Variants in KLF7 observed in about 807,000 individuals in gnomAD.
KLF7 encodes the protein Krueppel-like factor 7.
KLF7 carries 2 observed loss-of-function variants against 27.3 expected under a neutral mutation model. The ratio of observed to expected loss-of-function variants is 0.07; its 90% CI spans 0.03 to 0.23. The LOEUF (loss-of-function observed/expected upper bound fraction) is 0.23, where lower values mean the gene tolerates loss of function less well. Among genes scored for constraint, KLF7 ranks in the 10% least tolerant of loss-of-function variants. KLF7 has a pLI of 1.00. For missense variants in KLF7, 221 were observed against 394.1 expected (o/e 0.56, Z 3.72); for synonymous variants, 165 against 162.4 (o/e 1.02, Z -0.12).
chr2:207,161,628 A>T lies in KLF7; in HGVS notation c.102+3839T>A, dbSNP rs535337035. Among the ~76,000 whole-genome samples the T allele has an allele frequency of 4.6e-5, 7 of 152,286 alleles. No homozygotes were observed. In the East Asian group the frequency reaches 7.7e-4, roughly 17 times the overall value. On this transcript the variant is annotated intron_variant, in intron 1 of 3. Transcript: ENST00000309446. ...CAATGTGGCTCACAGACCAAATCCC[A>T]TCCCTGGTACCATGAGGCTGTTCTT...
chr2:207,104,533 T>A (rs2076837436), intron 2 of KLF7, among the ~76,000 whole-genome samples: 1 of 152,246 alleles, frequency 6.6e-6, no homozygotes, highest in South Asian at 2.1e-4. Context: ...CCTCACTATA[T>A]GCTGGGCACT....
intron 1 of KLF7, among the ~76,000 whole-genome samples, chr2:207,161,145 A>G (rs929531622): frequency 3.9e-5 from 6 of 152,246 alleles, no homozygotes; most frequent in Middle Eastern, 3.2e-3. Flanking sequence ...TTAAAGGAAC[A>G]TGGAAATGAA....
In KLF7 at chr2:207,075,581, G is replaced by C. The variant is rs745529235; in HGVS notation, c.*5632C>G. ...ATAGTGCAAAAATAAATTTATTCAAGCAACTGTTAAGAGGATAATAGAGAT... is the reference window on the plus strand; with the variant it reads ...ATAGTGCAAAAATAAATTTATTCAACCAACTGTTAAGAGGATAATAGAGAT... On this transcript the variant is annotated 3_prime_UTR_variant, in exon 4 of 4. Transcript: ENST00000309446. 1 of 151,708 alleles carries C rather than the reference G, an allele frequency of 6.6e-6. No individual in the cohort carries two copies. The highest frequency in any genetic ancestry group is 1.5e-5 in the Non-Finnish European group (1 of 68,002). 9.4% of individuals were successfully genotyped at this position (151,708 alleles called of 1,614,324 possible). A position where few individuals can be genotyped will look rare whatever the true frequency, so the allele number is the denominator to read the frequency against.
intron 1 of KLF7, among the ~76,000 whole-genome samples, chr2:207,163,011 T>G (rs912017965): frequency 6.6e-6 from 1 of 152,218 alleles, no homozygotes; most frequent in Non-Finnish European, 1.5e-5. Context: ...ATCCGATAGT[T>G]GATTTGGAAC....
Position 207,165,461 on chromosome 2 carries a change from A to T in KLF7, c.102+6T>A. On this transcript the variant is annotated splice_donor_region_variant and intron_variant, in intron 1 of 3. Transcript: ENST00000309446. ...ACGATTTACACAAGTAATTTAAATCATTCACCTGCTGCCAGGTCTCCTCCA... is the reference window on the plus strand; with the variant it reads ...ACGATTTACACAAGTAATTTAAATCTTTCACCTGCTGCCAGGTCTCCTCCA... 6.2e-7 allele frequency: 1 copy of T among 1,614,186 alleles called. No homozygotes were observed. Among genetic ancestry groups the T allele is most frequent in the Non-Finnish European group, 8.5e-7 (1 of 1,180,028 alleles).
rs1389831742 is a variant in KLF7, at chr2:207,152,362, CTG to C, written c.102+13103_102+13104del. Reference sequence around the variant, plus strand: ...GGGTCTCTGGGAGTGGCAAAAGAAACTGTGACAATAGCAGGCTTTTTTGTTAA... The same window carrying C: ...GGGTCTCTGGGAGTGGCAAAAGAAACTGACAATAGCAGGCTTTTTTGTTAA... On this transcript the variant is annotated intron_variant, in intron 1 of 3. Transcript: ENST00000309446. Among the ~76,000 whole-genome samples, 3 of 151,878 alleles carry C rather than the reference CTG, an allele frequency of 2.0e-5. No homozygotes were observed. The East Asian group carries it at 5.8e-4, about 29-fold the overall frequency.
chr2:207,092,454 G>A (rs2076533123), intron 2 of KLF7, among the ~76,000 whole-genome samples: 1 of 152,226 alleles, frequency 6.6e-6, no homozygotes, highest in Non-Finnish European at 1.5e-5. Flanking sequence ...ACAACCCTAG[G>A]ATACTTGTTT....
intron 2 of KLF7, among the ~76,000 whole-genome samples, chr2:207,094,942 T>C (rs1262865498): frequency 6.6e-6 from 1 of 152,170 alleles, no homozygotes; most frequent in Admixed American, 6.5e-5. Context: ...CATTACTTGC[T>C]TACTCAAACG....
chr2:207,086,208 G>A (rs2076384975), intron 3 of KLF7, among the ~76,000 whole-genome samples: 1 of 152,054 alleles, frequency 6.6e-6, no homozygotes, highest in Non-Finnish European at 1.5e-5. Context: ...TCCTGCCAAG[G>A]GCTACAGATG....
In KLF7 at chr2:207,101,051, T is replaced by C. The variant is rs138787761; in HGVS notation, c.734-12470A>G. 1.2e-4 allele frequency among the ~76,000 whole-genome samples: 18 copies of C among 152,350 alleles called. No homozygotes were observed. In the East Asian group the frequency reaches 3.5e-3, roughly 29 times the overall value. On this transcript the variant is annotated intron_variant, in intron 2 of 3. Coordinates refer to ENST00000309446, the MANE Select transcript of KLF7 (RefSeq NM_003709.4). The stretch of plus-strand genomic sequence containing the variant: ...AGCACGAAAAGTTTTGTTACCACCT[T>C]ACCTTCCAGATTCATAAACCCTAAC...
rs73983157 is a variant in KLF7 at position 207,079,077 on chromosome 2, G to A, written c.*2136C>T. 1 of 121,178 alleles carries A rather than the reference G, an allele frequency of 8.3e-6. No homozygotes were observed. The highest frequency in any genetic ancestry group is 2.7e-4 in the South Asian group (1 of 3,772). The allele number at this position is 121,178 out of a possible 1,614,324, so 7.5% of individuals were successfully genotyped here. The stretch of plus-strand genomic sequence containing the variant: ...TTTGTATTATTTTGTTTTTTTTTTT[G>A]TTTTTGTTTTTGTTTTTTTTGGTCT... On this transcript the variant is annotated 3_prime_UTR_variant, in exon 4 of 4. Coordinates refer to ENST00000309446, the MANE Select transcript of KLF7 (RefSeq NM_003709.4).
chr2:207,124,516 G>T (rs1256930215), intron 1 of KLF7, 112 bp from the exon 2 acceptor site: 2 of 1,050,862 alleles, frequency 1.9e-6, no homozygotes, highest in Non-Finnish European at 2.8e-6. Context: ...GTCATGGCTT[G>T]TATCAGAAAT....
chr2:207,159,428 T>C (rs1403732693), intron 1 of KLF7, among the ~76,000 whole-genome samples: 1 of 152,246 alleles, frequency 6.6e-6, no homozygotes, highest in Non-Finnish European at 1.5e-5. Flanking sequence ...TGAATGTTTC[T>C]TTCTTTCTTT....
intron 2 of KLF7, among the ~76,000 whole-genome samples, chr2:207,110,593 C>T (rs2077008671): frequency 6.6e-6 from 1 of 152,136 alleles, no homozygotes; most frequent in Admixed American, 6.5e-5. Flanking sequence ...CAAATTATTA[C>T]AGGTCAGGAG....
intron 1 of KLF7, among the ~76,000 whole-genome samples, chr2:207,137,323 A>C (rs2077816309): frequency 6.6e-6 from 1 of 152,184 alleles, no homozygotes; most frequent in East Asian, 1.9e-4. Flanking sequence ...AGGTCCATTC[A>C]AACCTAGCAG....
intron 1 of KLF7, among the ~76,000 whole-genome samples, chr2:207,141,302 G>A (rs999012864): frequency 6.6e-6 from 1 of 152,158 alleles, no homozygotes; most frequent in African/African-American, 2.4e-5. Flanking sequence ...TCCTAGACAA[G>A]GTCCCATGAT....
intron 2 of KLF7, among the ~76,000 whole-genome samples, chr2:207,116,700 G>C (rs1030081703): frequency 7.9e-5 from 12 of 152,044 alleles, no homozygotes; most frequent in African/African-American, 2.9e-4. Flanking sequence ...GTTTACACTT[G>C]GCCTTCTCAA....
At chr2:207,111,161 G>C (rs1012231343) in intron 2 of KLF7, among the ~76,000 whole-genome samples, 4 of 152,182 alleles carry the variant, frequency 2.6e-5, no homozygotes, top group Admixed American at 2.0e-4. Context: ...TCACATTTTG[G>C]GAGAGTGGCT....
chr2:207,158,897 G>A (rs1301441262), intron 1 of KLF7, among the ~76,000 whole-genome samples: 4 of 152,190 alleles, frequency 2.6e-5, no homozygotes, highest in African/African-American at 7.2e-5. Flanking sequence ...CAGAAAGCAA[G>A]TAAACTGGTC....
Sources: gnomAD v4.1 joint callset for allele counts (sites outside exome capture counted in the v4.1 genomes callset) on GRCh38, gnomAD v4.1.1 for gene constraint, MANE v1.5 for transcripts, NCBI Gene and HGNC (gene_info 2026-07-23, HGNC 2026-07-21) for gene names.